Variants in ELP5 observed in about 807,000 individuals in gnomAD.
ELP5 encodes the protein elongator acetyltransferase complex subunit 5, also known as elongator complex protein 5.
In ELP5, 34 loss-of-function variants were observed where a neutral mutation model predicts 33.4. That is an observed-to-expected ratio of 1.02 (90% CI 0.78 to 1.36). The LOEUF (loss-of-function observed/expected upper bound fraction) is 1.36, where lower values mean the gene tolerates loss of function less well. Among genes scored for constraint, ELP5 ranks in the 40% most tolerant of loss-of-function variants. The pLI is 0.00. For synonymous variants in ELP5, 161 were observed against 146.4 expected, an observed-to-expected ratio of 1.10 and a Z score of -0.72; for missense variants, 373 against 371.7, an observed-to-expected ratio of 1.00 and a Z score of -0.03.
chr17:7,252,284 C>T lies in ELP5; in HGVS notation c.-267C>T. ...CCTCCCCCTCCCACTGACAACTGCC[C>T]CAACTGCTCTTCCCGCCCCGGTCAC... On this transcript the variant is annotated 5_prime_UTR_variant, in exon 1 of 8. Coordinates refer to ENST00000396628, the MANE Select transcript of ELP5 (RefSeq NM_203414.3). 1.8e-6 allele frequency: 1 copy of T among 555,900 alleles called. No homozygotes were observed. Among genetic ancestry groups the T allele is most frequent in the Admixed American group, 2.9e-5 (1 of 34,644 alleles). The allele number at this position is 555,900 out of a possible 1,614,324, so 34.4% of individuals were successfully genotyped here.
chr17:7,254,905 C>A, intron 4 of ELP5, 102 bp downstream of exon 4: 5 of 901,942 alleles, frequency 5.5e-6, no homozygotes, highest in Non-Finnish European at 8.2e-6. Flanking sequence ...GTTCTCCAGT[C>A]AGACCTTTTT....
At chr17:7,254,257 CATTT>C (rs1235298369) in intron 3 of ELP5, among the ~76,000 whole-genome samples, 2 of 152,162 alleles carry the variant, frequency 1.3e-5, no homozygotes, top group African/African-American at 4.8e-5. Flanking sequence ...TGATAACTAA[CATTT>C]ATCAGGCATA....
chr17:7,252,978 T>G lies in ELP5; in HGVS notation c.168T>G (p.Phe56Leu). The change falls in exon 3 of 8, where the codon TTT becomes TTG. Residue 56 changes from phenylalanine to leucine, a missense_variant. Phe to Leu is a conservative substitution (Grantham distance 22). Transcript: ENST00000396628. ...EVSEEEFREG[F>L]DSDINNRLVY... ...GCGAGGAAGAGTTTCGTGAAGGTTTTGACTCTGATATCAACAATCGGTAAG... is the reference window on the plus strand; with the variant it reads ...GCGAGGAAGAGTTTCGTGAAGGTTTGGACTCTGATATCAACAATCGGTAAG... 2.5e-6 allele frequency: 4 copies of G among 1,614,220 alleles called. 1 individual carries two copies. The South Asian group carries it at 4.4e-5, about 18-fold the overall frequency.
chr17:7,255,093 A>G (rs898236479), intron 4 of ELP5, among the ~76,000 whole-genome samples: 1 of 152,088 alleles, frequency 6.6e-6, no homozygotes, highest in Non-Finnish European at 1.5e-5. Context: ...GATAATGGCA[A>G]AATACAGACT....
At chr17:7,259,170 G>C in intron 7 of ELP5, 1 of 1,405,088 alleles carries the variant, frequency 7.1e-7, no homozygotes, top group Non-Finnish European at 9.2e-7. Context: ...CCTGGGCCTG[G>C]GCTGAGCCAG....
chr17:7,254,103 C>T (rs937454138), intron 3 of ELP5, among the ~76,000 whole-genome samples: 4 of 151,860 alleles, frequency 2.6e-5, no homozygotes, highest in South Asian at 2.1e-4. Flanking sequence ...GCTGTTTTTT[C>T]TGTAGTTGTT....
rs201910708 is a variant in ELP5 at position 7,259,724 on chromosome 17, G to A, written c.*39G>A. ...ATTAGATTGTAATTGGAGGGGGCGC[G>A]GGAAGACTTTGGGCCCAGAACCATC... On this transcript the variant is annotated 3_prime_UTR_variant, in exon 8 of 8. Coordinates refer to ENST00000396628, the MANE Select transcript of ELP5 (RefSeq NM_203414.3). The A allele has an allele frequency of 1.2e-4, 199 of 1,613,086 alleles. No homozygotes were observed. The highest frequency in any genetic ancestry group is 4.0e-4 in the East Asian group (18 of 44,848).
intron 5 of ELP5, among the ~76,000 whole-genome samples, chr17:7,257,328 C>T (rs1036843579): frequency 1.3e-5 from 2 of 151,990 alleles, no homozygotes; most frequent in African/African-American, 4.8e-5. Context: ...TTTTCTATCA[C>T]TCACTTCATT....
chr17:7,258,709 C>T, intron 6 of ELP5, 26 bp downstream of exon 6: 1 of 1,613,884 alleles, frequency 6.2e-7, no homozygotes, highest in Non-Finnish European at 8.5e-7. Context: ...AAGGCCAGAA[C>T]AAGGAAATGT....
chr17:7,259,442 G>T, intron 7 of ELP5, 129 bp from the exon 8 acceptor site: 1 of 1,497,190 alleles, frequency 6.7e-7, no homozygotes. Context: ...TCAGAGAAAG[G>T]GACTTGGACC....
chr17:7,256,848 C>G lies in ELP5; in HGVS notation c.410-9C>G. The G allele has an allele frequency of 6.2e-7, 1 of 1,614,086 alleles. No individual in the cohort carries two copies. The highest frequency in any genetic ancestry group is 8.5e-7 in the Non-Finnish European group (1 of 1,179,940). On this transcript the variant is annotated splice_polypyrimidine_tract_variant and intron_variant, in intron 4 of 7. Transcript: ENST00000396628. ...TCCCTACTATCCTACATTTCTTGTCCTCCTCTAGGTGACAGCTCCTCAGTG... is the reference window on the plus strand; with the variant it reads ...TCCCTACTATCCTACATTTCTTGTCGTCCTCTAGGTGACAGCTCCTCAGTG...
intron 7 of ELP5, 21 bp from the exon 8 acceptor site, chr17:7,259,550 C>G (rs1296514692): frequency 6.2e-7 from 1 of 1,613,932 alleles, no homozygotes; most frequent in Admixed American, 1.7e-5. Flanking sequence ...CCCTCACCAG[C>G]ACCAAATCTT....
chr17:7,252,405 C>A lies in ELP5; in HGVS notation c.-146C>A. 7.7e-7 allele frequency: 1 copy of A among 1,292,496 alleles called. No individual in the cohort carries two copies. Among genetic ancestry groups the A allele is most frequent in the Non-Finnish European group, 1.1e-6 (1 of 912,926 alleles). 80.1% of individuals were successfully genotyped at this position (1,292,496 alleles called of 1,614,324 possible). A position where few individuals can be genotyped will look rare whatever the true frequency, so the allele number is the denominator to read the frequency against. ...TGAGCGCCCCCCTGGGAATATTGAA[C>A]ATAATCACCTCTCATTCCAGACTAT... is the stretch of plus-strand genomic sequence containing the variant. On this transcript the variant is annotated 5_prime_UTR_variant, in exon 1 of 8. Coordinates refer to ENST00000396628, the MANE Select transcript of ELP5 (RefSeq NM_203414.3).
chr17:7,258,277 C>T (rs577970667), intron 5 of ELP5, among the ~76,000 whole-genome samples: 54 of 151,926 alleles, frequency 3.6e-4, no homozygotes, highest in African/African-American at 1.2e-3. Context: ...AGCAAAACCC[C>T]ATCTCTACTA....
chr17:7,256,203 G>A (rs2072071321), intron 4 of ELP5, among the ~76,000 whole-genome samples: 1 of 152,120 alleles, frequency 6.6e-6, no homozygotes, highest in Non-Finnish European at 1.5e-5. Context: ...ACAAAAATTA[G>A]CCAGGCGTGG....
At chr17:7,258,474 A>G in intron 5 of ELP5, 114 bp from the exon 6 acceptor site, 2 of 905,960 alleles carry the variant, frequency 2.2e-6, no homozygotes, top group East Asian at 2.5e-5. Context: ...AGTTGAGGGC[A>G]GGAGCTGAAA....
At position 7,258,850 on chromosome 17, in the gene ELP5, TTTAACC is replaced by T. The variant is rs1452586504; in HGVS notation, c.715_720del (p.Asn239_Leu240del). ...GGTGGATCCCACAACTCATTTGACC[TTTAACC>T]TTCACCTGTCCAAGAAAGAGAGAGA... On this transcript the variant is annotated inframe_deletion, in exon 7 of 8. Coordinates refer to ENST00000396628, the MANE Select transcript of ELP5 (RefSeq NM_203414.3). 6.2e-7 allele frequency: 1 copy of T among 1,614,192 alleles called. No individual in the cohort carries two copies. The highest frequency in any genetic ancestry group is 2.2e-5 in the East Asian group (1 of 44,884).
chr17:7,258,919 T>A lies in ELP5; in HGVS notation c.781T>A (p.Ser261Thr), dbSNP rs1312286037. 6.2e-7 allele frequency: 1 copy of A among 1,613,956 alleles called. No homozygotes were observed. Among genetic ancestry groups the A allele is most frequent in the East Asian group, 2.2e-5 (1 of 44,898 alleles). The change falls in exon 7 of 8, where the codon TCT becomes ACT. Residue 261 changes from serine to threonine, a missense_variant. Coordinates refer to ENST00000396628, the MANE Select transcript of ELP5 (RefSeq NM_203414.3). ...CCTGATCCTGCCCTTCCAGTTCAGT[T>A]CTGAAAAGTAAGGTTGGGACCTGGG... Reference protein sequence around the residue: ...DSLILPFQFSSEKQQALLRPR... With the variant: ...DSLILPFQFSTEKQQALLRPR...
At position 7,252,477 on chromosome 17, in the gene ELP5, A is replaced by T; in HGVS notation, c.-74A>T. On this transcript the variant is annotated 5_prime_UTR_variant, in exon 1 of 8. Transcript: ENST00000396628. ...GACGCCCGAGTGCTCGGCCCGTTTCACCCCGAGGAGGAAGGACACTGGGTC... is the reference window on the plus strand; with the variant it reads ...GACGCCCGAGTGCTCGGCCCGTTTCTCCCCGAGGAGGAAGGACACTGGGTC... 3.1e-6 allele frequency: 5 copies of T among 1,610,646 alleles called. No individual in the cohort carries two copies. Among genetic ancestry groups the T allele is most frequent in the Non-Finnish European group, 4.2e-6 (5 of 1,178,532 alleles).
Sources: gnomAD v4.1 joint callset for allele counts (sites outside exome capture counted in the v4.1 genomes callset) on GRCh38, gnomAD v4.1.1 for gene constraint, MANE v1.5 for transcripts, NCBI Gene and HGNC (gene_info 2026-07-23, HGNC 2026-07-21) for gene names.